Variants in ACACA observed in about 807,000 individuals in gnomAD.
ACACA encodes the protein acetyl-CoA carboxylase 1.
A neutral mutation model predicts 296.1 loss-of-function variants in ACACA; 103 were observed. The observed-to-expected ratio is 0.35, with a 90% confidence interval of 0.30 to 0.41. The LOEUF is 0.41. Among genes scored for constraint, ACACA ranks in the 10% least tolerant of loss-of-function variants. ACACA has a pLI of 1.00. For synonymous variants in ACACA, 953 were observed against 1,038.6 expected (o/e 0.92, Z 1.58); for missense variants, 1,554 against 2,989.7 (o/e 0.52, Z 11.20).
intron 37 of ACACA, among the ~76,000 whole-genome samples, chr17:37,191,794 G>A (rs2077763611): frequency 6.6e-6 from 1 of 150,926 alleles, no homozygotes. Context: ...TTCTTTTCTT[G>A]AGTGTTATTA....
At chr17:37,237,806 G>A (rs2080185226) in intron 24 of ACACA, among the ~76,000 whole-genome samples, 1 of 152,072 alleles carries the variant, frequency 6.6e-6, no homozygotes, top group African/African-American at 2.4e-5. Context: ...TGTCAACGGG[G>A]CTGGAGTGCA....
intron 40 of ACACA, among the ~76,000 whole-genome samples, chr17:37,180,724 C>T (rs1478096907): frequency 6.6e-6 from 1 of 152,166 alleles, no homozygotes; most frequent in Non-Finnish European, 1.5e-5. Flanking sequence ...AGAACTTATA[C>T]TCTAAACTGT....
intron 33 of ACACA, among the ~76,000 whole-genome samples, chr17:37,201,381 C>T (rs2078240541): frequency 6.6e-6 from 1 of 151,932 alleles, no homozygotes; most frequent in Admixed American, 6.6e-5. Context: ...GCAGAGGTTG[C>T]CGAGATTGCA....
intron 1 of ACACA, chr17:37,365,623 C>A: frequency 1.0e-6 from 1 of 985,426 alleles, no homozygotes; most frequent in South Asian, 4.7e-5. Flanking sequence ...ACACAAAGTC[C>A]TTATCTGAAT....
At chr17:37,313,790 T>C (rs1042284016) in intron 3 of ACACA, among the ~76,000 whole-genome samples, 1 of 152,048 alleles carries the variant, frequency 6.6e-6, no homozygotes, top group African/African-American at 2.4e-5. Context: ...TGGAGAACAG[T>C]ATGGAGGTTC....
chr17:37,370,164 C>A (rs1020476003), intron 1 of ACACA, among the ~76,000 whole-genome samples: 7 of 151,642 alleles, frequency 4.6e-5, no homozygotes, highest in Non-Finnish European at 8.8e-5. Flanking sequence ...AGCCACCATG[C>A]CCATCTAATT....
chr17:37,274,754 G>A lies in ACACA; in HGVS notation c.902-455C>T, dbSNP rs1249071992. ...AGTCATGATTCCATGCTCTCTGAAC[G>A]TCCCTGTACTCAGCCATAAGGGGAA... On this transcript the variant is annotated intron_variant, in intron 8 of 55. Coordinates refer to ENST00000616317, the MANE Select transcript of ACACA (RefSeq NM_198834.3). 16 of 759,762 alleles carry A rather than the reference G, an allele frequency of 2.1e-5. No homozygotes were observed. In the East Asian group the frequency reaches 1.0e-3, roughly 49 times the overall value. The allele number at this position is 759,762 out of a possible 1,614,324, so 47.1% of individuals were successfully genotyped here.
At chr17:37,363,769 C>A (rs546172576) in intron 1 of ACACA, among the ~76,000 whole-genome samples, 238 of 149,930 alleles carry the variant, frequency 1.6e-3, no homozygotes, top group Non-Finnish European at 2.8e-3. Flanking sequence ...GTGGATCACC[C>A]GAGGTCAGGA....
chr17:37,152,258 G>A (rs188380348), intron 43 of ACACA, among the ~76,000 whole-genome samples: 3 of 152,262 alleles, frequency 2.0e-5, no homozygotes, highest in Admixed American at 6.5e-5. Flanking sequence ...GATGGCCCTC[G>A]GATTTTAGAT....
At chr17:37,388,887 C>A in intron 1 of ACACA, 1 of 1,485,864 alleles carries the variant, frequency 6.7e-7, no homozygotes, top group Middle Eastern at 1.7e-4. Context: ...AAAGCATAGA[C>A]TTTGGAATTT....
chr17:37,119,484 T>A (rs575942476), intron 50 of ACACA, among the ~76,000 whole-genome samples: 2 of 152,122 alleles, frequency 1.3e-5, no homozygotes, highest in South Asian at 4.2e-4. Context: ...ATCTAAAAAA[T>A]ATATACAATC....
chr17:37,330,581 T>C (rs2047829901), intron 2 of ACACA, among the ~76,000 whole-genome samples, 156 bp from the exon 3 acceptor site: 1 of 152,218 alleles, frequency 6.6e-6, no homozygotes, highest in African/African-American at 2.4e-5. Context: ...GGGCCTTTAA[T>C]TTCTACAAGG....
chr17:37,132,081 T>C (rs571119224), intron 45 of ACACA, among the ~76,000 whole-genome samples: 2 of 152,340 alleles, frequency 1.3e-5, no homozygotes, highest in Admixed American at 1.3e-4. Context: ...AGCTTTCTGC[T>C]CTGCTGAGTC....
intron 45 of ACACA, chr17:37,143,559 T>A (rs769826732): frequency 5.3e-6 from 3 of 567,792 alleles, no homozygotes; most frequent in Non-Finnish European, 9.2e-6. Flanking sequence ...GAAGACACCA[T>A]ACAGTTTAAA....
At chr17:37,329,036 T>C (rs2047740865) in intron 3 of ACACA, 6 of 398,334 alleles carry the variant, frequency 1.5e-5, no homozygotes, top group Middle Eastern at 6.2e-4. Context: ...AGTTATATAA[T>C]CAAACATCGA....
At chr17:37,356,123 G>A (rs755343275) in intron 1 of ACACA, among the ~76,000 whole-genome samples, 4 of 151,744 alleles carry the variant, frequency 2.6e-5, no homozygotes, top group Admixed American at 1.3e-4. Flanking sequence ...AGCCGAGATC[G>A]TGCCACTGCA....
At chr17:37,210,411 T>A in intron 30 of ACACA, 56 bp downstream of exon 30, 1 of 1,508,172 alleles carries the variant, frequency 6.6e-7, no homozygotes, top group Non-Finnish European at 9.2e-7. Flanking sequence ...CTGGTTTCAC[T>A]ATTCTAAGTT....
chr17:37,389,403 AGGTGGGGTAGGGGCCGGGCGT>A (rs2050690685), intron 1 of ACACA: 1 of 1,551,086 alleles, frequency 6.4e-7, no homozygotes, highest in South Asian at 1.2e-5. Flanking sequence ...TGCTTAAAGA[AGGTGGGGTAGGGGCCGGGCGT>A]GGTGGCTCAC....
chr17:37,235,033 T>G lies in ACACA; in HGVS notation c.3188A>C (p.Asn1063Thr). 1 of 1,613,914 alleles carries G rather than the reference T, an allele frequency of 6.2e-7. No homozygotes were observed. Among genetic ancestry groups the G allele is most frequent in the Non-Finnish European group, 8.5e-7 (1 of 1,179,902 alleles). ...ENKSDMNTVLNYIFSHAQVTK... is the reference protein window; with the variant it reads ...ENKSDMNTVLTYIFSHAQVTK... ...GACTTGAGCGTGAGAGAAGATGTAG[T>G]TCAGTACAGTGTTCATGTCACTTTT... Residue 1063 changes from asparagine (N) to threonine (T), a missense_variant, in exon 25 of 56, where the codon AAC becomes ACC. Transcript: ENST00000616317.
Sources: gnomAD v4.1 joint callset for allele counts (sites outside exome capture counted in the v4.1 genomes callset) on GRCh38, gnomAD v4.1.1 for gene constraint, MANE v1.5 for transcripts, NCBI Gene and HGNC (gene_info 2026-07-23, HGNC 2026-07-21) for gene names.